Variants in PDE1A observed in about 807,000 individuals in gnomAD.
PDE1A encodes the protein phosphodiesterase 1A.
PDE1A carries 35 observed loss-of-function variants against 61.7 expected under a neutral mutation model. That is an observed-to-expected ratio of 0.57 (90% CI 0.43 to 0.75). The LOEUF (loss-of-function observed/expected upper bound fraction) is 0.75. Ranked by LOEUF, PDE1A falls within the 30% of genes least tolerant of loss-of-function variation. The probability of loss-of-function intolerance (pLI) is 0.00; values close to 1 mark genes in which losing one functional copy is unlikely to be tolerated. For missense variants in PDE1A, 597 were observed against 630.6 expected, an observed-to-expected ratio of 0.95 and a Z score of 0.57; for synonymous variants, 232 against 213.2, an observed-to-expected ratio of 1.09 and a Z score of -0.77.
In PDE1A at chr2:182,426,658, G is replaced by A. The variant is rs749085166; in HGVS notation, c.-28C>T. ...AAAGGTGAAGGTTTAACTTCTTCCT[G>A]GAAACCACTCCAGAAACTCCAGAGA... is the stretch of plus-strand genomic sequence containing the variant. On this transcript the variant is annotated 5_prime_UTR_variant, in exon 1 of 14. Transcript: ENST00000351439. The A allele has an allele frequency of 5.0e-6, 8 of 1,612,096 alleles. No individual in the cohort carries two copies. The African/African-American group carries it at 6.7e-5, about 13-fold the overall frequency.
intron 2 of PDE1A, among the ~76,000 whole-genome samples, chr2:182,245,275 G>T (rs1274227469): frequency 6.6e-6 from 1 of 152,052 alleles, no homozygotes; most frequent in Non-Finnish European, 1.5e-5. Context: ...CACCTTCACA[G>T]TTCCCATATT....
chr2:182,455,762 G>T (rs1200647173), intron 2 of PDE1A, among the ~76,000 whole-genome samples: 1 of 151,990 alleles, frequency 6.6e-6, no homozygotes, highest in African/African-American at 2.4e-5. Flanking sequence ...TGTTGTGGGT[G>T]GGGGAATGGG....
At chr2:182,169,621 C>G (rs1691946297) in intron 13 of PDE1A, among the ~76,000 whole-genome samples, 1 of 152,026 alleles carries the variant, frequency 6.6e-6, no homozygotes, top group East Asian at 1.9e-4. Context: ...TTCTAATATC[C>G]TGACTGTATC....
chr2:182,529,988 T>C, the PDE1A span, among the ~76,000 whole-genome samples: 3 of 152,114 alleles, frequency 2.0e-5, no homozygotes, highest in Non-Finnish European at 4.4e-5. Context: ...AAGTGTAAAA[T>C]AGATTGAATA....
At chr2:182,605,728 C>T in the PDE1A span, among the ~76,000 whole-genome samples, 99 of 152,304 alleles carry the variant, frequency 6.5e-4, 1 homozygote, top group African/African-American at 2.0e-3. Flanking sequence ...AAATTTCACC[C>T]AAGCATCATA....
intron 2 of PDE1A, among the ~76,000 whole-genome samples, chr2:182,441,707 T>C (rs1266518274): frequency 1.3e-5 from 2 of 151,962 alleles, no homozygotes; most frequent in Non-Finnish European, 2.9e-5. Flanking sequence ...AAGTGCAAGA[T>C]AAATCTGGAA....
intron 6 of PDE1A, among the ~76,000 whole-genome samples, chr2:182,225,659 G>A (rs893980401): frequency 2.3e-4 from 35 of 150,324 alleles, no homozygotes; most frequent in Admixed American, 2.0e-4. Context: ...TCCCCTATGG[G>A]GTTTAAAAAG....
intron 13 of PDE1A, among the ~76,000 whole-genome samples, chr2:182,180,977 G>A (rs1684710423): frequency 6.6e-6 from 1 of 151,816 alleles, no homozygotes; most frequent in Non-Finnish European, 1.5e-5. Flanking sequence ...ATTCTAGTTA[G>A]CAGCTCCTGT....
rs1685175210 is a variant in PDE1A at position 182,186,036 on chromosome 2, G to A, written c.1372C>T (p.Arg458Ter). The A allele has an allele frequency of 6.2e-7, 1 of 1,613,964 alleles. No homozygotes were observed. Among genetic ancestry groups the A allele is most frequent in the Non-Finnish European group, 8.5e-7 (1 of 1,179,924 alleles). Residue 458 changes from arginine to a stop codon, truncating the protein, a stop_gained, in exon 13 of 14, where the codon CGA becomes TGA. Transcript: ENST00000351439. LOFTEE classifies it high-confidence loss of function. ...CTCATGGAGCCTTTTGTATTTGATC[G>A]TCTTAGTGCATCAGCAATGTGTAAC...
intron 1 of PDE1A, among the ~76,000 whole-genome samples, chr2:182,334,620 G>A (rs1280345971): frequency 6.6e-6 from 1 of 152,122 alleles, no homozygotes; most frequent in Non-Finnish European, 1.5e-5. Context: ...TTGATGGAAT[G>A]TATCTCAAAA....
the PDE1A span, among the ~76,000 whole-genome samples, chr2:182,586,705 T>C: frequency 1.3e-5 from 2 of 152,160 alleles, no homozygotes; most frequent in African/African-American, 4.8e-5. Context: ...AAAAACGTCT[T>C]CAGACATTGC....
the PDE1A span, among the ~76,000 whole-genome samples, chr2:182,528,754 T>G: frequency 1.3e-5 from 2 of 152,220 alleles, no homozygotes; most frequent in African/African-American, 2.4e-5. Context: ...TCGTGCCCTG[T>G]ATCCCAGCCA....
chr2:182,576,690 A>T, the PDE1A span, among the ~76,000 whole-genome samples: 1 of 152,180 alleles, frequency 6.6e-6, no homozygotes, highest in Admixed American at 6.5e-5. Context: ...CCAACAGTAC[A>T]CAGGGGTTCC....
chr2:182,201,281 C>CTGA (rs1451192188), intron 10 of PDE1A, among the ~76,000 whole-genome samples, 158 bp downstream of exon 10: 1 of 152,112 alleles, frequency 6.6e-6, no homozygotes, highest in Non-Finnish European at 1.5e-5. Context: ...ATACACCTTT[C>CTGA]TGATAGACTA....
chr2:182,602,824 C>A, the PDE1A span, among the ~76,000 whole-genome samples: 2 of 152,120 alleles, frequency 1.3e-5, no homozygotes, highest in African/African-American at 2.4e-5. Context: ...ATTAGAAACT[C>A]AGGCCAAGAA....
intron 1 of PDE1A, among the ~76,000 whole-genome samples, chr2:182,404,754 C>A (rs1033421679): frequency 6.6e-6 from 1 of 152,164 alleles, no homozygotes; most frequent in South Asian, 2.1e-4. Context: ...CATATCTTGT[C>A]CCCATGGAAG....
At chr2:182,605,360 A>AGTCATTCCAGGCAGAGGT in the PDE1A span, among the ~76,000 whole-genome samples, 2 of 152,140 alleles carry the variant, frequency 1.3e-5, no homozygotes, top group East Asian at 1.9e-4. Context: ...TGTAAACAGA[A>AGTCATTCCAGGCAGAGGT]GTCATTCCAG....
At chr2:182,466,271 C>T (rs991392820) in intron 2 of PDE1A, among the ~76,000 whole-genome samples, 1 of 151,974 alleles carries the variant, frequency 6.6e-6, no homozygotes, top group African/African-American at 2.4e-5. Context: ...CATTTTCTTC[C>T]TAAGAGTTAC....
chr2:182,156,987 A>T (rs1446353330), intron 13 of PDE1A, among the ~76,000 whole-genome samples: 3 of 149,070 alleles, frequency 2.0e-5, no homozygotes, highest in Non-Finnish European at 3.0e-5. Flanking sequence ...TTATTTTTTT[A>T]TTATTATTAT....
Sources: gnomAD v4.1 joint callset for allele counts (sites outside exome capture counted in the v4.1 genomes callset) on GRCh38, gnomAD v4.1.1 for gene constraint, MANE v1.5 for transcripts, NCBI Gene and HGNC (gene_info 2026-07-23, HGNC 2026-07-21) for gene names.